FIP1L1: variants seen among roughly 807,000 people sequenced by gnomAD.
FIP1L1 encodes pre-mRNA 3'-end-processing factor FIP1.
In FIP1L1, 21 loss-of-function variants were observed where a neutral mutation model predicts 84.6. The ratio of observed to expected loss-of-function variants is 0.25; its 90% CI spans 0.18 to 0.36. The LOEUF (loss-of-function observed/expected upper bound fraction) is 0.36. FIP1L1 is among the 10% of genes least tolerant of loss of function. FIP1L1 has a pLI of 1.00. For missense variants in FIP1L1, 526 were observed against 751.1 expected (o/e 0.70, Z 3.50); for synonymous variants, 263 against 242.3 (o/e 1.09, Z -0.80).
Position 53,390,754 on chromosome 4 carries a change from A to G in FIP1L1, c.505+126A>G, listed in dbSNP as rs1743842118. On this transcript the variant is annotated intron_variant, in intron 7 of 17. Coordinates refer to ENST00000337488, the MANE Select transcript of FIP1L1 (RefSeq NM_030917.4). Reference sequence around the variant, plus strand: ...TTTTAATTGTCTTAAGCAAATGATGAGTAATAATGACTTGGGATTATTAAA... The same window carrying G: ...TTTTAATTGTCTTAAGCAAATGATGGGTAATAATGACTTGGGATTATTAAA... 6 of 647,024 alleles carry G rather than the reference A, an allele frequency of 9.3e-6. No individual in the cohort carries two copies. In the East Asian group the frequency reaches 1.5e-4, roughly 16 times the overall value. The allele number at this position is 647,024 out of a possible 1,614,324, so 40.1% of individuals were successfully genotyped here. A position where few individuals can be genotyped will look rare whatever the true frequency, so the allele number is the denominator to read the frequency against.
intron 10 of FIP1L1, among the ~76,000 whole-genome samples, chr4:53,405,745 T>A (rs1578410829): frequency 6.7e-6 from 1 of 150,258 alleles, no homozygotes; most frequent in African/African-American, 2.4e-5. Flanking sequence ...GTTGGATTCC[T>A]AGGTATTTTA....
Position 53,390,517 on chromosome 4 carries a change from A to G in FIP1L1, c.398-4A>G, listed in dbSNP as rs758546983. On this transcript the variant is annotated splice_polypyrimidine_tract_variant and splice_region_variant and intron_variant, in intron 6 of 17. Coordinates refer to ENST00000337488, the MANE Select transcript of FIP1L1 (RefSeq NM_030917.4). ...CTCCTTCATTTTGTAATTTTATAAAACAGGGACAAAAGTCAAAGGAGTAGA... is the reference window on the plus strand; with the variant it reads ...CTCCTTCATTTTGTAATTTTATAAAGCAGGGACAAAAGTCAAAGGAGTAGA... The G allele has an allele frequency of 2.5e-6, 4 of 1,594,454 alleles. No homozygotes were observed. The Admixed American group carries it at 6.8e-5, about 27-fold the overall frequency.
intron 5 of FIP1L1, 29 bp downstream of exon 5, chr4:53,383,905 G>A: frequency 6.2e-7 from 1 of 1,602,214 alleles, no homozygotes; most frequent in Non-Finnish European, 8.5e-7. Context: ...AGTAACAATT[G>A]TGTAAATGCT....
intron 11 of FIP1L1, among the ~76,000 whole-genome samples, chr4:53,418,546 G>A (rs1450566063): frequency 1.3e-5 from 2 of 152,162 alleles, no homozygotes; most frequent in Admixed American, 1.3e-4. Flanking sequence ...GAGTGAAGCA[G>A]TTTCAGTGAG....
intron 16 of FIP1L1, 125 bp downstream of exon 16, chr4:53,453,258 CATCTTAAA>C: frequency 1.9e-6 from 2 of 1,069,470 alleles, no homozygotes; most frequent in Non-Finnish European, 2.7e-6. Flanking sequence ...ATAGGAAAGC[CATCTTAAA>C]ATGATAAAGG....
chr4:53,379,949 G>A (rs758642661), intron 3 of FIP1L1, among the ~76,000 whole-genome samples: 1 of 152,210 alleles, frequency 6.6e-6, no homozygotes, highest in Non-Finnish European at 1.5e-5. Context: ...GGTTTAAAAA[G>A]TGGAAGATAT....
At chr4:53,406,941 T>C (rs1388481564) in intron 10 of FIP1L1, among the ~76,000 whole-genome samples, 3 of 152,224 alleles carry the variant, frequency 2.0e-5, no homozygotes, top group Non-Finnish European at 4.4e-5. Flanking sequence ...TCAATTTTGT[T>C]GATCTTTTCA....
intron 12 of FIP1L1, among the ~76,000 whole-genome samples, chr4:53,426,477 A>G (rs1030158803): frequency 6.6e-6 from 1 of 152,080 alleles, no homozygotes; most frequent in Non-Finnish European, 1.5e-5. Flanking sequence ...TCCACTTGTG[A>G]TAAAATGTTG....
chr4:53,430,710 A>G (rs1419120063), intron 13 of FIP1L1, among the ~76,000 whole-genome samples: 1 of 152,172 alleles, frequency 6.6e-6, no homozygotes, highest in African/African-American at 2.4e-5. Flanking sequence ...TAATGACATT[A>G]TACTATAGAG....
At chr4:53,380,974 C>T (rs10006090) in intron 3 of FIP1L1, among the ~76,000 whole-genome samples, 19,757 of 151,822 alleles carry the variant, frequency 0.13, 2,561 homozygotes, top group African/African-American at 0.32. Context: ...ATTTTAATTC[C>T]GCAATACACA....
At chr4:53,458,352 G>T (rs1560594519) in intron 16 of FIP1L1, among the ~76,000 whole-genome samples, 1 of 151,922 alleles carries the variant, frequency 6.6e-6, no homozygotes, top group Non-Finnish European at 1.5e-5. Context: ...ACTTTTTCAA[G>T]AAATGAAAAA....
At chr4:53,414,302 C>A (rs1758472464) in intron 10 of FIP1L1, among the ~76,000 whole-genome samples, 1 of 151,960 alleles carries the variant, frequency 6.6e-6, no homozygotes, top group South Asian at 2.1e-4. Context: ...TTCATAGAGG[C>A]ACAGAAATGT....
chr4:53,437,023 T>C (rs780261096), intron 13 of FIP1L1, among the ~76,000 whole-genome samples: 5 of 150,582 alleles, frequency 3.3e-5, no homozygotes, highest in Admixed American at 6.6e-5. Context: ...AACCCCATCT[T>C]TATAAAAAAT....
chr4:53,442,620 T>A (rs1479052194), intron 13 of FIP1L1, 33 bp from the exon 14 acceptor site: 2 of 1,511,374 alleles, frequency 1.3e-6, no homozygotes, highest in Non-Finnish European at 1.8e-6. Flanking sequence ...TGTACATTGT[T>A]AACATTTTTT....
chr4:53,438,707 G>A (rs1770584463), intron 13 of FIP1L1, among the ~76,000 whole-genome samples: 1 of 152,168 alleles, frequency 6.6e-6, no homozygotes, highest in Non-Finnish European at 1.5e-5. Flanking sequence ...ATTAAAGGCA[G>A]ACAGTAATTT....
chr4:53,408,640 T>C (rs1755215505), intron 10 of FIP1L1, among the ~76,000 whole-genome samples: 1 of 152,190 alleles, frequency 6.6e-6, no homozygotes, highest in African/African-American at 2.4e-5. Flanking sequence ...ACCAATCAGA[T>C]GTAGATTTGG....
At chr4:53,451,465 C>T (rs2150370278) in intron 15 of FIP1L1, among the ~76,000 whole-genome samples, 1 of 152,026 alleles carries the variant, frequency 6.6e-6, no homozygotes, top group East Asian at 1.9e-4. Flanking sequence ...GCTATTTGAA[C>T]TTAACTGTCC....
At chr4:53,448,567 G>A (rs893716174) in intron 15 of FIP1L1, among the ~76,000 whole-genome samples, 12 of 152,184 alleles carry the variant, frequency 7.9e-5, no homozygotes, top group African/African-American at 2.9e-4. Flanking sequence ...TTTAAAGTAG[G>A]TGTATTGTTA....
At chr4:53,409,476 C>T (rs1755863086) in intron 10 of FIP1L1, among the ~76,000 whole-genome samples, 1 of 152,218 alleles carries the variant, frequency 6.6e-6, no homozygotes, top group African/African-American at 2.4e-5. Context: ...GGCAGTCTGC[C>T]CGTTCTCAGA....
Sources: allele counts gnomAD v4.1 joint callset (sites outside exome capture counted in the v4.1 genomes callset), GRCh38; gene constraint gnomAD v4.1.1; transcripts MANE v1.5; gene names NCBI Gene and HGNC (gene_info 2026-07-23, HGNC 2026-07-21).